Variants in BIRC6 observed in about 807,000 individuals in gnomAD.
BIRC6 encodes the protein dual E2 ubiquitin-conjugating enzyme/E3 ubiquitin-protein ligase BIRC6.
BIRC6 carries 98 observed loss-of-function variants against 503.3 expected under a neutral mutation model. That is an observed-to-expected ratio of 0.19 (90% CI 0.17 to 0.23). BIRC6 has a LOEUF of 0.23. BIRC6 is among the 10% of genes least tolerant of loss of function. The probability of loss-of-function intolerance (pLI) is 1.00; values close to 1 mark genes in which losing one functional copy is unlikely to be tolerated. For missense variants in BIRC6, 5,360 were observed against 5,806.0 expected, an observed-to-expected ratio of 0.92 and a Z score of 2.50; for synonymous variants, 2,240 against 2,078.7, an observed-to-expected ratio of 1.08 and a Z score of -2.11.
Position 32,368,546 on chromosome 2 carries a change from C to CAAAT in BIRC6, c.326-9022_326-9019dup, listed in dbSNP as rs1000012621. Among the ~76,000 whole-genome samples the CAAAT allele has an allele frequency of 1.3e-4, 20 of 151,812 alleles. No homozygotes were observed. In the East Asian group the frequency reaches 1.9e-3, roughly 15 times the overall value. On this transcript the variant is annotated intron_variant, in intron 1 of 73. Coordinates refer to ENST00000421745, the MANE Select transcript of BIRC6 (RefSeq NM_016252.4). ...CATAGCGAGACTTTGTCCCCCACAC[C>CAAAT]AAATAAATAAATAAATAAATAAAAA... is the stretch of plus-strand genomic sequence containing the variant.
In BIRC6 at chr2:32,415,869, A is replaced by C; in HGVS notation, c.2578A>C (p.Ile860Leu). ...TCCCCAGGACACAATTACCTCGCTC[A>C]TTTTGCTTCCACCCGATATATTGGA... The part of the protein sequence containing the change: ...KDPQDTITSL[I>L]LLPPDILDNR... The change falls in exon 10 of 74, where the codon ATT (isoleucine) becomes CTT (leucine). Residue 860 changes from isoleucine to leucine, a missense_variant. Ile to Leu is a conservative substitution (Grantham distance 5). This residue lies in a region of BIRC6 where 700 missense variants were observed against 739.3 expected (regional missense o/e 0.95). Transcript: ENST00000421745. The C allele has an allele frequency of 6.2e-7, 1 of 1,614,004 alleles. No individual in the cohort carries two copies. Among genetic ancestry groups the C allele is most frequent in the Non-Finnish European group, 8.5e-7 (1 of 1,179,890 alleles).
intron 9 of BIRC6, among the ~76,000 whole-genome samples, chr2:32,411,141 C>T (rs528670934): frequency 2.6e-5 from 4 of 151,918 alleles, no homozygotes; most frequent in Admixed American, 1.3e-4. Context: ...CGGGTTCAAA[C>T]GATTCTCCTG....
At chr2:32,372,539 G>T (rs2036132981) in intron 1 of BIRC6, among the ~76,000 whole-genome samples, 1 of 152,026 alleles carries the variant, frequency 6.6e-6, no homozygotes, top group African/African-American at 2.4e-5. Context: ...TGTTTTGCCA[G>T]TCACTCTTTG....
At chr2:32,588,126 G>C (rs577431244) in intron 66 of BIRC6, among the ~76,000 whole-genome samples, 1 of 152,308 alleles carries the variant, frequency 6.6e-6, no homozygotes, top group African/African-American at 2.4e-5. Context: ...TTGGGAGGCA[G>C]GTGGATCACA....
Position 32,599,735 on chromosome 2 carries a change from C to A in BIRC6, c.13831-4C>A, listed in dbSNP as rs1006958870. The A allele has an allele frequency of 1.2e-6, 2 of 1,611,380 alleles. No individual in the cohort carries two copies. The highest frequency in any genetic ancestry group is 1.1e-5 in the South Asian group (1 of 90,964). On this transcript the variant is annotated splice_polypyrimidine_tract_variant and splice_region_variant and intron_variant, in intron 69 of 73. Transcript: ENST00000421745. ...TAGACTTTTGTATGTTTATATATAT[C>A]CAGGTTCTAATAACTGGTCCAGCGG...
chr2:32,516,545 A>T (rs1245537487), intron 55 of BIRC6, among the ~76,000 whole-genome samples: 1 of 149,606 alleles, frequency 6.7e-6, no homozygotes, highest in Non-Finnish European at 1.5e-5. Context: ...GTGGAAGATA[A>T]TTTATCATAC....
chr2:32,535,077 C>A (rs1036210285), intron 61 of BIRC6, among the ~76,000 whole-genome samples: 1 of 130,288 alleles, frequency 7.7e-6, no homozygotes, highest in African/African-American at 2.8e-5. Flanking sequence ...GAGACTGAAG[C>A]GGGAGGATTA....
chr2:32,603,434 A>C (rs1035535974), intron 71 of BIRC6, among the ~76,000 whole-genome samples: 1 of 152,170 alleles, frequency 6.6e-6, no homozygotes, highest in Admixed American at 6.6e-5. Context: ...CATGAAGCTG[A>C]AAAGGAGAGG....
chr2:32,538,873 A>G (rs1165529587), intron 61 of BIRC6, among the ~76,000 whole-genome samples: 1 of 152,234 alleles, frequency 6.6e-6, no homozygotes, highest in Non-Finnish European at 1.5e-5. Context: ...GTGCCCCTGC[A>G]CTGCAGCCTG....
intron 6 of BIRC6, among the ~76,000 whole-genome samples, chr2:32,400,561 A>T (rs1233286893): frequency 1.3e-5 from 2 of 151,384 alleles, no homozygotes; most frequent in African/African-American, 4.9e-5. Flanking sequence ...CTGGCGTCGA[A>T]CTCCTGACCT....
intron 63 of BIRC6, among the ~76,000 whole-genome samples, chr2:32,547,199 C>T (rs2058110361): frequency 6.6e-6 from 1 of 152,144 alleles, no homozygotes; most frequent in Admixed American, 6.6e-5. Context: ...AAGATCTGCT[C>T]ATATCTGTAT....
rs79075327 is a variant in BIRC6 at position 32,613,378 on chromosome 2, A to T, written c.14394+1796A>T. Among the ~76,000 whole-genome samples the T allele has an allele frequency of 7.4e-3, 1,114 of 150,824 alleles. 13 individuals are homozygous for T. Among genetic ancestry groups the T allele is most frequent in the East Asian group, 0.03 (151 of 5,108 alleles). On this transcript the variant is annotated intron_variant, in intron 73 of 73. Coordinates refer to ENST00000421745, the MANE Select transcript of BIRC6 (RefSeq NM_016252.4). Reference sequence around the variant, plus strand: ...TTTTGTATTTTTATTTTCATTATTTATTTTATTTATTTATTTATTTTAGAT... The same window carrying T: ...TTTTGTATTTTTATTTTCATTATTTTTTTTATTTATTTATTTATTTTAGAT...
Position 32,441,387 on chromosome 2 carries a change from T to G in BIRC6, c.3869T>G (p.Leu1290Arg). ...AGTGGCACCCGTAAATCTGAAAACCTCCGGGGCTGTGATTTACTTCAAGAG... is the reference window on the plus strand; with the variant it reads ...AGTGGCACCCGTAAATCTGAAAACCGCCGGGGCTGTGATTTACTTCAAGAG... ...NTSGTRKSEN[L>R]RGCDLLQEVS... Residue 1290 changes from leucine to arginine, a missense_variant, in exon 17 of 74, where the codon CTC (leucine) becomes CGC (arginine). Transcript: ENST00000421745. 3 of 1,609,672 alleles carry G rather than the reference T, an allele frequency of 1.9e-6. No individual in the cohort carries two copies. Among genetic ancestry groups the G allele is most frequent in the Non-Finnish European group, 2.6e-6 (3 of 1,176,410 alleles).
intron 10 of BIRC6, among the ~76,000 whole-genome samples, chr2:32,421,365 A>G (rs935143746): frequency 6.6e-6 from 1 of 151,966 alleles, no homozygotes; most frequent in African/African-American, 2.4e-5. Flanking sequence ...TTGACCTCCC[A>G]AAGTGCTGGG....
chr2:32,405,718 G>A (rs932649838), intron 8 of BIRC6, among the ~76,000 whole-genome samples: 4 of 152,156 alleles, frequency 2.6e-5, no homozygotes, highest in African/African-American at 7.2e-5. Context: ...AAATAAAATT[G>A]CATGTACATG....
chr2:32,578,974 T>G, intron 66 of BIRC6, among the ~76,000 whole-genome samples: 1 of 31,750 alleles, frequency 3.1e-5, no homozygotes, highest in African/African-American at 2.1e-4. Flanking sequence ...TATTTTTATA[T>G]ACCTAATATA....
chr2:32,375,306 G>A (rs2036576990), intron 1 of BIRC6, among the ~76,000 whole-genome samples: 1 of 149,770 alleles, frequency 6.7e-6, no homozygotes, highest in South Asian at 2.1e-4. Context: ...GGAATGGTAA[G>A]AGCATACATC....
chr2:32,491,820 A>G (rs1483280165), intron 44 of BIRC6, among the ~76,000 whole-genome samples: 1 of 152,186 alleles, frequency 6.6e-6, no homozygotes, highest in East Asian at 1.9e-4. Context: ...AATTGGAAAC[A>G]TTCTGAGTAA....
chr2:32,526,006 A>G (rs966823184), intron 59 of BIRC6, among the ~76,000 whole-genome samples: 2 of 152,172 alleles, frequency 1.3e-5, no homozygotes, highest in African/African-American at 2.4e-5. Context: ...TAGTTAAGCC[A>G]TATGTTCTTC....
Sources: allele counts gnomAD v4.1 joint callset (sites outside exome capture counted in the v4.1 genomes callset), GRCh38; gene constraint gnomAD v4.1.1; regional missense constraint gnomAD v4.1.1; transcripts MANE v1.5; gene names NCBI Gene and HGNC (gene_info 2026-07-23, HGNC 2026-07-21).